The following WNT5A variants were observed in gnomAD, a reference collection of about 807,000 sequenced individuals.
WNT5A encodes protein Wnt-5a.
In WNT5A, 9 loss-of-function variants were observed where a neutral mutation model predicts 42.1. The ratio of observed to expected loss-of-function variants is 0.21; its 90% CI spans 0.13 to 0.37. The LOEUF (loss-of-function observed/expected upper bound fraction) is 0.37, where lower values mean the gene tolerates loss of function less well. Ranked by LOEUF, WNT5A falls within the 10% of genes least tolerant of loss-of-function variation. WNT5A has a pLI of 1.00. For missense variants in WNT5A, 426 were observed against 534.0 expected (o/e 0.80, Z 1.99); for synonymous variants, 210 against 210.0 (o/e 1.00, Z 0.00).
At chr3:55,481,149 C>T (rs1046819655) in intron 1 of WNT5A, 7 of 665,664 alleles carry the variant, frequency 1.1e-5, no homozygotes, top group African/African-American at 7.5e-5. Context: ...GCGCGGGGCA[C>T]GCCAGCGATT....
chr3:55,499,980 C>CA, the WNT5A span, among the ~76,000 whole-genome samples: 121 of 141,038 alleles, frequency 8.6e-4, 2 homozygotes, highest in South Asian at 0.016. Context: ...ATCCCCCCTC[C>CA]AAAAAAAAAA....
At chr3:55,497,013 T>C in the WNT5A span, among the ~76,000 whole-genome samples, 2 of 152,374 alleles carry the variant, frequency 1.3e-5, no homozygotes, top group Non-Finnish European at 2.9e-5. Context: ...CAACCATTCA[T>C]TTAACAAGCA....
At chr3:55,477,170 A>G (rs1290615084) in intron 3 of WNT5A, among the ~76,000 whole-genome samples, 1 of 152,178 alleles carries the variant, frequency 6.6e-6, no homozygotes, top group African/African-American at 2.4e-5. Context: ...TTTTGGCATC[A>G]AAGGTATTTT....
At chr3:55,504,845 C>T in the WNT5A span, among the ~76,000 whole-genome samples, 2 of 152,206 alleles carry the variant, frequency 1.3e-5, no homozygotes, top group Admixed American at 1.3e-4. Context: ...TGAATTTTCA[C>T]AAACTGAACA....
chr3:55,466,408 A>G lies in WNT5A; in HGVS notation c.*3684T>C, dbSNP rs1420292406. On this transcript the variant is annotated 3_prime_UTR_variant, in exon 5 of 5. Coordinates refer to ENST00000264634, the MANE Select transcript of WNT5A (RefSeq NM_003392.7). ...AGAGTATTTACTCTGCTATAGCGTC[A>G]TATTTGATAATTCTAGTGGCTTGAA... 1 of 152,186 alleles carries G rather than the reference A, an allele frequency of 6.6e-6. No homozygotes were observed. Among genetic ancestry groups the G allele is most frequent in the East Asian group, 1.9e-4 (1 of 5,194 alleles). The allele number at this position is 152,186 out of a possible 1,614,324, so 9.4% of individuals were successfully genotyped here.
At chr3:55,496,816 G>C in the WNT5A span, among the ~76,000 whole-genome samples, 1 of 152,158 alleles carries the variant, frequency 6.6e-6, no homozygotes, top group Non-Finnish European at 1.5e-5. Context: ...GAAAATAAAA[G>C]CAAATCATAA....
chr3:55,497,587 T>C, the WNT5A span: 3 of 152,252 alleles, frequency 2.0e-5, no homozygotes, highest in East Asian at 5.8e-4. Flanking sequence ...GCACTCCCTC[T>C]AGTCTGTGCT....
At chr3:55,500,184 A>G in the WNT5A span, among the ~76,000 whole-genome samples, 1 of 152,150 alleles carries the variant, frequency 6.6e-6, no homozygotes, top group African/African-American at 2.4e-5. Context: ...TTTTCTTAGT[A>G]AATGTCAGCT....
rs533153165 is a variant in WNT5A at position 55,470,394 on chromosome 3, G to A, written c.841C>T (p.Arg281Trp). ...DSAAAMRLNSRGKLVQVNSRF... is the reference protein window; with the variant it reads ...DSAAAMRLNSWGKLVQVNSRF... ...CTGTTGACCTGTACCAACTTGCCCC[G>A]GCTGTTGAGCCGCATGGCCGCCGCG... Residue 281 changes from arginine (R) to tryptophan (W), a missense_variant, in exon 5 of 5, where the codon CGG becomes TGG. Transcript: ENST00000264634. 1.2e-5 allele frequency: 20 copies of A among 1,613,758 alleles called. No homozygotes were observed. Among genetic ancestry groups the A allele is most frequent in the Admixed American group, 6.7e-5 (4 of 59,988 alleles).
At chr3:55,482,906 C>G (rs528445910) in intron 1 of WNT5A, among the ~76,000 whole-genome samples, 3 of 152,354 alleles carry the variant, frequency 2.0e-5, no homozygotes, top group African/African-American at 4.8e-5. Flanking sequence ...CACATTCACA[C>G]TCGTGCACAT....
At position 55,474,649 on chromosome 3, in the gene WNT5A, A is replaced by T. The variant is rs2051318865; in HGVS notation, c.392-20T>A. On this transcript the variant is annotated intron_variant, in intron 3 of 4. Coordinates refer to ENST00000264634, the MANE Select transcript of WNT5A (RefSeq NM_003392.7). ...GGCTGCCTGTGGGTGAGGACAAGGG[A>T]TCACTGGCCGCCTGCCTCACGCGCT... is the stretch of plus-strand genomic sequence containing the variant. 7.7e-7 allele frequency: 1 copy of T among 1,295,562 alleles called. No individual in the cohort carries two copies. The highest frequency in any genetic ancestry group is 3.9e-5 in the Admixed American group (1 of 25,380). The allele number at this position is 1,295,562 out of a possible 1,614,324, so 80.3% of individuals were successfully genotyped here. A position where few individuals can be genotyped will look rare whatever the true frequency, so the allele number is the denominator to read the frequency against.
Position 55,470,463 on chromosome 3 carries a change from C to G in WNT5A, c.772G>C (p.Asp258His). The change falls in exon 5 of 5, where the codon GAC becomes CAC. Residue 258 changes from aspartate (D) to histidine (H), a missense_variant. By Grantham distance (81) the Asp-to-His change is moderately conservative. Around this residue, in one of 3 missense-constraint regions of WNT5A, gnomAD observed 358 missense variants for 468.1 expected, o/e 0.76. Coordinates refer to ENST00000264634, the MANE Select transcript of WNT5A (RefSeq NM_003392.7). ...AGGGCATCACCCACCTTGCGGAAGT[C>G]TGCCAGCTGCAGCCAGCATGTCTTC... ...SLKTCWLQLA[D>H]FRKVGDALKE... 1 of 1,609,688 alleles carries G rather than the reference C, an allele frequency of 6.2e-7. No individual in the cohort carries two copies. The highest frequency in any genetic ancestry group is 1.3e-5 in the African/African-American group (1 of 75,008).
rs571599640 is a variant in WNT5A at position 55,483,788 on chromosome 3, T to G, written c.7-2870A>C. On this transcript the variant is annotated intron_variant, in intron 1 of 4. Transcript: ENST00000264634. This position sits in a 1 kb window ranked among gnomAD's most constrained non-coding sequence, Gnocchi z 4.2. ...ATCCCTCAAAGCCTTCGCGTCGGAT[T>G]AAAGGTGTTCTTGATCCTTCTTTAC... 1.3e-3 allele frequency among the ~76,000 whole-genome samples: 201 copies of G among 152,212 alleles called. 2 individuals are homozygous for G. The highest frequency in any genetic ancestry group is 0.012 in the South Asian group (58 of 4,824).
In WNT5A at chr3:55,467,488, A is replaced by G. The variant is rs1281937658; in HGVS notation, c.*2604T>C. 6.6e-6 allele frequency: 1 copy of G among 150,738 alleles called. No individual in the cohort carries two copies. Among genetic ancestry groups the G allele is most frequent in the Non-Finnish European group, 1.5e-5 (1 of 67,766 alleles). 9.3% of individuals were successfully genotyped at this position (150,738 alleles called of 1,614,324 possible). ...TTTTGGTAAAATTCACCACTCTTTT[A>G]TTACTTTGACATGTAGTCATCCTAA... On this transcript the variant is annotated 3_prime_UTR_variant, in exon 5 of 5. Transcript: ENST00000264634.
At chr3:55,479,096 G>T in intron 3 of WNT5A, 1 of 404,094 alleles carries the variant, frequency 2.5e-6, no homozygotes, top group Non-Finnish European at 4.3e-6. Flanking sequence ...AGGTGTCTGT[G>T]ATACTTGCCT....
chr3:55,471,630 C>T (rs952928224), intron 4 of WNT5A, among the ~76,000 whole-genome samples: 14 of 152,244 alleles, frequency 9.2e-5, no homozygotes, highest in Non-Finnish European at 1.3e-4. Flanking sequence ...TCCAGAGTGA[C>T]GAGGACACGG....
rs1431297193 is a variant in WNT5A at position 55,483,454 on chromosome 3, C to A, written c.7-2536G>T. On this transcript the variant is annotated intron_variant, in intron 1 of 4. Transcript: ENST00000264634. The surrounding 1 kb of genome is among the most constrained non-coding windows in gnomAD (Gnocchi z 4.2). ...GGGTAAAACATCCCCGCCTGTTTAC[C>A]AAGAGATCAGATCCGAAAAGACAGT... 1.3e-5 allele frequency among the ~76,000 whole-genome samples: 2 copies of A among 152,120 alleles called. No individual in the cohort carries two copies. Among genetic ancestry groups the A allele is most frequent in the Non-Finnish European group, 2.9e-5 (2 of 68,028 alleles).
upstream of WNT5A, among the ~76,000 whole-genome samples, chr3:55,494,866 G>T (rs2051699198): frequency 6.6e-6 from 1 of 152,208 alleles, no homozygotes. Context: ...AAATTAAATA[G>T]ACCAAATTCA....
At chr3:55,502,319 T>A in the WNT5A span, among the ~76,000 whole-genome samples, 1 of 152,252 alleles carries the variant, frequency 6.6e-6, no homozygotes, top group Non-Finnish European at 1.5e-5. Flanking sequence ...CCATGCCTAC[T>A]GCAGGAATGC....
Sources: allele counts gnomAD v4.1 joint callset (sites outside exome capture counted in the v4.1 genomes callset), GRCh38; gene constraint gnomAD v4.1.1; regional missense constraint gnomAD v4.1.1; non-coding constraint Gnocchi (gnomAD v3.1); transcripts MANE v1.5; gene names NCBI Gene and HGNC (gene_info 2026-07-23, HGNC 2026-07-21).